KCNQ3: variants seen among roughly 807,000 people sequenced by gnomAD.
KCNQ3 encodes the protein potassium voltage-gated channel subfamily KQT member 3.
A neutral mutation model predicts 92.5 loss-of-function variants in KCNQ3; 30 were observed. The observed-to-expected ratio is 0.32, with a 90% CI of 0.24 to 0.44. The LOEUF (loss-of-function observed/expected upper bound fraction) is 0.44. Among genes scored for constraint, KCNQ3 ranks in the 20% least tolerant of loss-of-function variants. The pLI is 1.00. For synonymous variants in KCNQ3, 450 were observed against 468.8 expected (o/e 0.96, Z 0.52); for missense variants, 913 against 1,140.3 (o/e 0.80, Z 2.87).
chr8:132,479,992 ACC>A (rs3221620), intron 1 of KCNQ3, among the ~76,000 whole-genome samples, 153 bp downstream of exon 1: 9 of 146,974 alleles, frequency 6.1e-5, no homozygotes, highest in Admixed American at 1.3e-4. Context: ...ACACACACAC[ACC>A]CAGGGAAACG....
intron 1 of KCNQ3, among the ~76,000 whole-genome samples, chr8:132,248,720 C>A (rs1184514535): frequency 6.6e-6 from 1 of 152,214 alleles, no homozygotes; most frequent in Non-Finnish European, 1.5e-5. Flanking sequence ...CAGGCTCCTG[C>A]CCCAGCCAAT....
In KCNQ3 at chr8:132,205,606, A is replaced by G. The variant is rs116309021; in HGVS notation, c.387-19425T>C. On this transcript the variant is annotated intron_variant, in intron 1 of 14. Coordinates refer to ENST00000388996, the MANE Select transcript of KCNQ3 (RefSeq NM_004519.4). ...CTTTGATCCCAGCCTCTTATCCTCA[A>G]GTTTTTGTGACTCAGGCTAAGGTAT... Among the ~76,000 whole-genome samples, 478 of 152,316 alleles carry G rather than the reference A, an allele frequency of 3.1e-3. 1 individual carries two copies. Among genetic ancestry groups the G allele is most frequent in the African/African-American group, 0.011 (454 of 41,572 alleles).
intron 1 of KCNQ3, among the ~76,000 whole-genome samples, chr8:132,446,523 T>A (rs74844822): frequency 0.019 from 2,822 of 152,210 alleles, 95 homozygotes; most frequent in African/African-American, 0.065. Flanking sequence ...AGAGCTAGAC[T>A]GGGAAGACCT....
intron 1 of KCNQ3, among the ~76,000 whole-genome samples, chr8:132,209,661 T>C (rs1813791845): frequency 6.6e-6 from 1 of 152,192 alleles, no homozygotes; most frequent in African/African-American, 2.4e-5. Context: ...AGCCATTCAG[T>C]ACAGTATTCA....
intron 2 of KCNQ3, 112 bp from the exon 3 acceptor site, chr8:132,184,479 G>C: frequency 1.7e-6 from 2 of 1,160,392 alleles, no homozygotes; most frequent in Non-Finnish European, 2.5e-6. Flanking sequence ...GTTGCTGGTT[G>C]TCTGGTTGGC....
intron 1 of KCNQ3, among the ~76,000 whole-genome samples, chr8:132,368,287 A>T (rs997738251): frequency 6.6e-6 from 1 of 152,016 alleles, no homozygotes; most frequent in Non-Finnish European, 1.5e-5. Flanking sequence ...TGAATTGAGG[A>T]CCTCCTCTGT....
chr8:132,230,534 G>A (rs941746057), intron 1 of KCNQ3, among the ~76,000 whole-genome samples: 3 of 152,122 alleles, frequency 2.0e-5, no homozygotes, highest in Non-Finnish European at 4.4e-5. Flanking sequence ...CTTGCAATGT[G>A]TCTTCCTGTC....
chr8:132,445,293 A>G (rs10956661), intron 1 of KCNQ3, among the ~76,000 whole-genome samples: 139,052 of 152,156 alleles, frequency 0.91, 63,631 homozygotes, highest in East Asian at 0.94. Flanking sequence ...AGATCAGGAG[A>G]AGGAGAGGCA....
At chr8:132,407,068 C>T (rs192024349) in intron 1 of KCNQ3, among the ~76,000 whole-genome samples, 12 of 152,202 alleles carry the variant, frequency 7.9e-5, no homozygotes, top group Non-Finnish European at 1.5e-4. Context: ...AATGCCTCTG[C>T]GCCCATGCCT....
At chr8:132,350,929 A>G (rs1182127001) in intron 1 of KCNQ3, among the ~76,000 whole-genome samples, 1 of 152,114 alleles carries the variant, frequency 6.6e-6, no homozygotes, top group Admixed American at 6.5e-5. Context: ...TCGTGTGGCT[A>G]ATGACAGGAA....
At position 132,137,906 on chromosome 8, in the gene KCNQ3, C is replaced by T; in HGVS notation, c.1679G>A (p.Arg560Lys). The T allele has an allele frequency of 1.2e-6, 2 of 1,614,054 alleles. No individual in the cohort carries two copies. Among genetic ancestry groups the T allele is most frequent in the Non-Finnish European group, 1.7e-6 (2 of 1,179,998 alleles). ...YSAGHLDMLS[R>K]IKYLQTRIDM... ...TCACCTCGTCTGAAGGTACTTTATC[C>T]TGGAAAGCATGTCGAGATGCCCGGC... The change falls in exon 12 of 15, where the codon AGG (arginine) becomes AAG (lysine). Residue 560 changes from arginine (R) to lysine (K), a missense_variant. By Grantham distance (26) the Arg-to-Lys change is conservative (BLOSUM62 2). This residue lies in a region of KCNQ3 where 182 missense variants were observed against 234.5 expected (regional missense o/e 0.78). Coordinates refer to ENST00000388996, the MANE Select transcript of KCNQ3 (RefSeq NM_004519.4).
chr8:132,471,178 C>T (rs1822291401), intron 1 of KCNQ3, among the ~76,000 whole-genome samples: 2 of 152,170 alleles, frequency 1.3e-5, no homozygotes, highest in Non-Finnish European at 2.9e-5. Flanking sequence ...ATGCAGCTAG[C>T]TATCAAGTTC....
chr8:132,324,399 T>C (rs1391811436), intron 1 of KCNQ3, among the ~76,000 whole-genome samples: 2 of 152,218 alleles, frequency 1.3e-5, no homozygotes, highest in African/African-American at 2.4e-5. Flanking sequence ...TCAGTAGATA[T>C]TTGTTAATTG....
Position 132,480,347 on chromosome 8 carries a change from G to T in KCNQ3, c.186C>A (p.Asp62Glu). 1 of 1,595,374 alleles carries T rather than the reference G, an allele frequency of 6.3e-7. No individual in the cohort carries two copies. Among genetic ancestry groups the T allele is most frequent in the Admixed American group, 1.7e-5 (1 of 59,202 alleles). Residue 62 changes from aspartate to glutamate, a missense_variant, in exon 1 of 15, where the codon GAC becomes GAA. Physicochemically the swap from Asp to Glu is conservative, Grantham distance 45 (BLOSUM62 2). This residue lies in a region of KCNQ3 where 183 missense variants were observed against 167.7 expected (regional missense o/e 1.09). Coordinates refer to ENST00000388996, the MANE Select transcript of KCNQ3 (RefSeq NM_004519.4). ...QVTLALGAGA[D>E]KDGTLLLEGG... ...CCTCCAGCAGCAGGGTCCCGTCTTTGTCGGCTCCGGCCCCGAGCGCCAAGG... is the reference window on the plus strand; with the variant it reads ...CCTCCAGCAGCAGGGTCCCGTCTTTTTCGGCTCCGGCCCCGAGCGCCAAGG...
chr8:132,184,443 A>T, intron 2 of KCNQ3, 76 bp from the exon 3 acceptor site: 1 of 1,356,384 alleles, frequency 7.4e-7, no homozygotes, highest in East Asian at 4.0e-5. Context: ...TCTATTCGGA[A>T]GTTCTGAAGA....
chr8:132,307,015 G>A (rs1339964931), intron 1 of KCNQ3, among the ~76,000 whole-genome samples: 1 of 152,168 alleles, frequency 6.6e-6, no homozygotes, highest in African/African-American at 2.4e-5. Flanking sequence ...GAGTTTGGGG[G>A]TGAAAGCTGG....
chr8:132,175,356 C>T, intron 5 of KCNQ3, 97 bp downstream of exon 5: 1 of 1,374,232 alleles, frequency 7.3e-7, no homozygotes, highest in Non-Finnish European at 1.0e-6. Flanking sequence ...CTGCAGAATG[C>T]AGCTGCCTGG....
At chr8:132,436,520 C>G (rs1298499929) in intron 1 of KCNQ3, among the ~76,000 whole-genome samples, 1 of 152,154 alleles carries the variant, frequency 6.6e-6, no homozygotes, top group African/African-American at 2.4e-5. Context: ...CCTTACCTTA[C>G]AATGAATGAA....
At chr8:132,402,750 G>A (rs1820372278) in intron 1 of KCNQ3, among the ~76,000 whole-genome samples, 1 of 152,024 alleles carries the variant, frequency 6.6e-6, no homozygotes, top group African/African-American at 2.4e-5. Flanking sequence ...CGGCGCGGTG[G>A]CTCATGCCTG....
Sources: gnomAD v4.1 joint callset for allele counts (sites outside exome capture counted in the v4.1 genomes callset) on GRCh38, gnomAD v4.1.1 for gene constraint, gnomAD v4.1.1 regional missense constraint, MANE v1.5 for transcripts, NCBI Gene and HGNC (gene_info 2026-07-23, HGNC 2026-07-21) for gene names.